The following FNDC1 variants were observed in gnomAD, a reference collection of about 807,000 sequenced individuals.
FNDC1 encodes fibronectin type III domain containing 1.
In FNDC1, 96 loss-of-function variants were observed where a neutral mutation model predicts 168.0. That is an observed-to-expected ratio of 0.57 (90% CI 0.48 to 0.68). The LOEUF (loss-of-function observed/expected upper bound fraction) is 0.68, where lower values mean the gene tolerates loss of function less well. FNDC1 is among the 30% of genes least tolerant of loss of function. The pLI, the probability that FNDC1 is intolerant of heterozygous loss-of-function variation, is 0.00. For missense variants in FNDC1, 2,587 were observed against 2,482.1 expected (o/e 1.04, Z -0.90); for synonymous variants, 1,099 against 1,025.9 (o/e 1.07, Z -1.36).
rs766332784 is a variant in FNDC1, at chr6:159,239,774, C to T, written c.4438C>T (p.Arg1480Cys). 118 of 1,527,838 alleles carry T rather than the reference C, an allele frequency of 7.7e-5. No homozygotes were observed. Among genetic ancestry groups the T allele is most frequent in the Non-Finnish European group, 9.1e-5 (103 of 1,131,412 alleles). The allele number at this position is 1,527,838 out of a possible 1,614,324, so 94.6% of individuals were successfully genotyped here. ...TATTRRTTTTRRTTTRRPTTT... is the reference protein window; with the variant it reads ...TATTRRTTTTCRTTTRRPTTT... ...CACCACCCGCCGCACGACCACCACC[C>T]GCCGCACGACCACCAGGCGTCCAAC... The change falls in exon 14 of 23, where the codon CGC becomes TGC. Residue 1480 changes from arginine (R) to cysteine (C), a missense_variant. Arg to Cys is a radical substitution (Grantham distance 180, BLOSUM62 -3). Coordinates refer to ENST00000297267, the MANE Select transcript of FNDC1 (RefSeq NM_032532.3).
chr6:159,267,517 G>A (rs1363974735), intron 21 of FNDC1, among the ~76,000 whole-genome samples: 1 of 150,426 alleles, frequency 6.6e-6, no homozygotes, highest in Non-Finnish European at 1.5e-5. Flanking sequence ...TTTTTTTTTA[G>A]AACTAAGGAA....
intron 5 of FNDC1, among the ~76,000 whole-genome samples, chr6:159,219,321 C>T (rs1375597268): frequency 6.6e-6 from 1 of 152,190 alleles, no homozygotes; most frequent in South Asian, 2.1e-4. Flanking sequence ...GGATTGCAGG[C>T]GTGAGCCACC....
At chr6:159,170,271 C>G (rs1231515863) in intron 1 of FNDC1, among the ~76,000 whole-genome samples, 1 of 152,092 alleles carries the variant, frequency 6.6e-6, no homozygotes, top group Non-Finnish European at 1.5e-5. Flanking sequence ...AGGAGGCCCG[C>G]GCGCCCGGGG....
intron 1 of FNDC1, among the ~76,000 whole-genome samples, chr6:159,174,381 T>C (rs1781721542): frequency 6.6e-6 from 1 of 152,250 alleles, no homozygotes; most frequent in African/African-American, 2.4e-5. Context: ...TATCCTTGCT[T>C]ATGAAAAACC....
chr6:159,175,722 C>T (rs565117299), intron 1 of FNDC1, among the ~76,000 whole-genome samples: 5 of 152,282 alleles, frequency 3.3e-5, no homozygotes, highest in East Asian at 1.9e-4. Flanking sequence ...CTGTTAAGCT[C>T]GCCTGTTGGC....
intron 22 of FNDC1, among the ~76,000 whole-genome samples, chr6:159,269,593 G>A (rs1361071163): frequency 8.2e-6 from 1 of 122,098 alleles, no homozygotes; most frequent in African/African-American, 3.2e-5. Context: ...CTGTCTGTCT[G>A]TCTGTCTATC....
At chr6:159,269,021 T>TCCAC (rs1415271935) in intron 22 of FNDC1, among the ~76,000 whole-genome samples, 1 of 129,618 alleles carries the variant, frequency 7.7e-6, no homozygotes, top group Non-Finnish European at 1.8e-5. Context: ...CATCCATCCA[T>TCCAC]CCATCCATCC....
At chr6:159,243,453 T>G (rs1783472048) in intron 14 of FNDC1, 1 of 152,350 alleles carries the variant, frequency 6.6e-6, no homozygotes, top group African/African-American at 2.4e-5. Context: ...GTCTCTAAAC[T>G]TCTACTGAGA....
intron 9 of FNDC1, among the ~76,000 whole-genome samples, chr6:159,229,261 C>T (rs1005935895): frequency 3.3e-5 from 5 of 152,176 alleles, no homozygotes; most frequent in African/African-American, 4.8e-5. Context: ...CTCTAAAATA[C>T]TGTGAAATAT....
chr6:159,194,148 AG>A (rs1371809427), intron 1 of FNDC1, among the ~76,000 whole-genome samples: 2 of 152,228 alleles, frequency 1.3e-5, no homozygotes, highest in Admixed American at 6.5e-5. Flanking sequence ...GGACACAGAC[AG>A]GAAATTCTTT....
Position 159,214,933 on chromosome 6 carries a change from G to T in FNDC1, c.461-12G>T, listed in dbSNP as rs749085233. 6.2e-7 allele frequency: 1 copy of T among 1,613,028 alleles called. No individual in the cohort carries two copies. ...TACTGTCTAACCACTTTTGTGTCCT[G>T]CCCTCTTTAAGAAAAGGAAGTGCCC... On this transcript the variant is annotated splice_polypyrimidine_tract_variant and intron_variant, in intron 4 of 22. Coordinates refer to ENST00000297267, the MANE Select transcript of FNDC1 (RefSeq NM_032532.3).
rs745650516 is a variant in FNDC1 at position 159,251,433 on chromosome 6, C to T, written c.4966C>T (p.Gln1656Ter). The change falls in exon 17 of 23, where the codon CAG becomes TAG. Residue 1656 changes from glutamine to a stop codon, truncating the protein, a stop_gained. Coordinates refer to ENST00000297267, the MANE Select transcript of FNDC1 (RefSeq NM_032532.3). LOFTEE classifies it high-confidence loss of function. The stretch of plus-strand genomic sequence containing the variant: ...CCTGAAGAAGAGTGACCTGCCTCCC[C>T]AGCATGCTCCCCGCAACATCACCGT... The part of the protein sequence containing the change: ...NDLKKSDLPP[Q>*]HAPRNITVVA... The T allele has an allele frequency of 1.2e-6, 2 of 1,613,804 alleles. No individual in the cohort carries two copies. The highest frequency in any genetic ancestry group is 2.7e-5 in the African/African-American group (2 of 74,918).
intron 14 of FNDC1, among the ~76,000 whole-genome samples, chr6:159,244,342 A>G (rs1783494645): frequency 6.6e-6 from 1 of 152,204 alleles, no homozygotes; most frequent in Non-Finnish European, 1.5e-5. Flanking sequence ...TTTTCATGAA[A>G]TGGCCATTCC....
chr6:159,192,135 C>T (rs981937221), intron 1 of FNDC1, among the ~76,000 whole-genome samples: 1 of 152,188 alleles, frequency 6.6e-6, no homozygotes, highest in Non-Finnish European at 1.5e-5. Context: ...GCTTCAGCCT[C>T]CCAAAGTGCT....
At chr6:159,173,672 T>A (rs1161061016) in intron 1 of FNDC1, among the ~76,000 whole-genome samples, 1 of 152,208 alleles carries the variant, frequency 6.6e-6, no homozygotes, top group African/African-American at 2.4e-5. Context: ...GAGAGTGTAT[T>A]CATTTCCTAT....
chr6:159,242,718 G>A lies in FNDC1; in HGVS notation c.4621+2761G>A, dbSNP rs570998528. 2.0e-5 allele frequency among the ~76,000 whole-genome samples: 3 copies of A among 152,168 alleles called. No individual in the cohort carries two copies. In the East Asian group the frequency reaches 5.8e-4, roughly 29 times the overall value. On this transcript the variant is annotated intron_variant, in intron 14 of 22. Coordinates refer to ENST00000297267, the MANE Select transcript of FNDC1 (RefSeq NM_032532.3). ...TCATTCCTCCCTCCTCCCAACCCAT[G>A]GAAACCACTAACATACTTTCTCTCT... is the stretch of plus-strand genomic sequence containing the variant.
intron 1 of FNDC1, among the ~76,000 whole-genome samples, chr6:159,186,568 A>C (rs557833856): frequency 6.6e-6 from 1 of 152,364 alleles, no homozygotes; most frequent in South Asian, 2.1e-4. Context: ...CATGCCTGGC[A>C]GTTGCCTGCA....
Position 159,197,483 on chromosome 6 carries a change from C to T in FNDC1, c.162C>T (p.Gly54=), listed in dbSNP as rs945166282. 6.2e-7 allele frequency: 1 copy of T among 1,613,788 alleles called. No homozygotes were observed. The highest frequency in any genetic ancestry group is 8.5e-7 in the Non-Finnish European group (1 of 1,179,804). The change falls in exon 2 of 23, where the codon GGC becomes GGT. Residue 54 remains glycine (G), a synonymous_variant. Transcript: ENST00000297267. ...RHVKLLSTKM[G]LKVTWDPPKD... is the part of the protein sequence containing the mutation. ...TGAAACTGCTGTCCACTAAAATGGG[C>T]CTGAAAGTCACGTGGGACCCACCCA...
chr6:159,233,835 C>T lies in FNDC1; in HGVS notation c.3323C>T (p.Pro1108Leu), dbSNP rs1447072493. Residue 1108 changes from proline to leucine, a missense_variant, in exon 11 of 23, where the codon CCC (proline) becomes CTC (leucine). Pro to Leu is a moderately conservative substitution (Grantham distance 98). Coordinates refer to ENST00000297267, the MANE Select transcript of FNDC1 (RefSeq NM_032532.3). This position sits in a 1 kb window ranked among gnomAD's most constrained non-coding sequence, Gnocchi z 4.6. ...ARAKEAAASL[P>L]KHQQVESPTG... is the part of the protein sequence containing the mutation. ...GCCAAGGAGGCAGCTGCGTCCCTTC[C>T]CAAGCACCAGCAGGTGGAGTCTCCC... 2.6e-6 allele frequency: 4 copies of T among 1,543,424 alleles called. No individual in the cohort carries two copies. In the South Asian group the frequency reaches 4.8e-5, roughly 19 times the overall value.
Sources: allele counts gnomAD v4.1 joint callset (sites outside exome capture counted in the v4.1 genomes callset), GRCh38; gene constraint gnomAD v4.1.1; non-coding constraint Gnocchi (gnomAD v3.1); transcripts MANE v1.5; gene names NCBI Gene and HGNC (gene_info 2026-07-23, HGNC 2026-07-21).